Variants in TLCD5 observed in about 807,000 individuals in gnomAD.
TLCD5 encodes the protein TLC domain containing 5.
Under a neutral mutation model 20.5 loss-of-function variants are expected in TLCD5, and 15 were observed. The observed-to-expected ratio is 0.73, with a 90% CI of 0.49 to 1.13. The LOEUF is 1.13. Ranked by LOEUF, TLCD5 falls within the 50% of genes most tolerant of loss-of-function variation. The pLI is 0.00. For missense variants in TLCD5, 289 were observed against 305.6 expected (o/e 0.95, Z 0.41); for synonymous variants, 107 against 114.7 (o/e 0.93, Z 0.43).
At position 120,330,501 on chromosome 11, in the gene TLCD5, C is replaced by CT. The variant is rs774724662; in HGVS notation, c.725dup (p.Lys243GlnfsTer62). On this transcript the variant is annotated frameshift_variant, in exon 3 of 3. Coordinates refer to ENST00000375095, the MANE Select transcript of TLCD5 (RefSeq NM_001198671.2). LOFTEE classifies it high-confidence loss of function. Reference sequence around the variant, plus strand: ...ACGGCAGCTGAAACACAACGGACATCTCAAAATACACTAGCCAAGGCTTGC... The same window carrying CT: ...ACGGCAGCTGAAACACAACGGACATCTTCAAAATACACTAGCCAAGGCTTGC... 1.2e-6 allele frequency: 2 copies of CT among 1,611,776 alleles called. No individual in the cohort carries two copies. Among genetic ancestry groups the CT allele is most frequent in the South Asian group, 2.2e-5 (2 of 90,698 alleles).
At position 120,330,030 on chromosome 11, in the gene TLCD5, T is replaced by G. The variant is rs777881594; in HGVS notation, c.253T>G (p.Phe85Val). 6.2e-7 allele frequency: 1 copy of G among 1,614,200 alleles called. No homozygotes were observed. Among genetic ancestry groups the G allele is most frequent in the Non-Finnish European group, 8.5e-7 (1 of 1,180,036 alleles). ...VHVLCLTLGY[F>V]IFDLGWCVYF... ...TGTCCTGTGTCTCACCTTGGGCTACTTCATCTTCGACTTGGGCTGGTGCGT... is the reference window on the plus strand; with the variant it reads ...TGTCCTGTGTCTCACCTTGGGCTACGTCATCTTCGACTTGGGCTGGTGCGT... The change falls in exon 3 of 3, where the codon TTC becomes GTC. Residue 85 changes from phenylalanine (F) to valine (V), a missense_variant. Phe to Val is a conservative substitution (Grantham distance 50, BLOSUM62 -1). Coordinates refer to ENST00000375095, the MANE Select transcript of TLCD5 (RefSeq NM_001198671.2).
At position 120,329,905 on chromosome 11, in the gene TLCD5, C is replaced by T. The variant is rs114427686; in HGVS notation, c.200-72C>T. The T allele has an allele frequency of 2.1e-3, 3,191 of 1,488,558 alleles. 55 individuals are homozygous for T. In the African/African-American group the frequency reaches 0.04, roughly 18 times the overall value. The allele number at this position is 1,488,558 out of a possible 1,614,324, so 92.2% of individuals were successfully genotyped here. ...GTGTCTAGTAAGGTTTGAAAGACAA[C>T]AACATAGGATCCCTGTGCAAGGTAA... On this transcript the variant is annotated intron_variant, in intron 2 of 2. Transcript: ENST00000375095.
chr11:120,329,013 G>A (rs569577383), intron 2 of TLCD5, among the ~76,000 whole-genome samples: 1 of 149,338 alleles, frequency 6.7e-6, no homozygotes, highest in Non-Finnish European at 1.5e-5. Flanking sequence ...TAGTGTGTGT[G>A]TGTGTGTATG....
At position 120,328,402 on chromosome 11, in the gene TLCD5, C is replaced by T. The variant is rs1490332378; in HGVS notation, c.199+762C>T. 2.6e-5 allele frequency among the ~76,000 whole-genome samples: 4 copies of T among 152,234 alleles called. No homozygotes were observed. In the East Asian group the frequency reaches 7.7e-4, roughly 29 times the overall value. ...GGCCAAGTATGCAAAAATTTTACCCCCTTGTATTAATTGGTTGGGGCTGCC... is the reference window on the plus strand; with the variant it reads ...GGCCAAGTATGCAAAAATTTTACCCTCTTGTATTAATTGGTTGGGGCTGCC... On this transcript the variant is annotated intron_variant, in intron 2 of 2. Coordinates refer to ENST00000375095, the MANE Select transcript of TLCD5 (RefSeq NM_001198671.2).
rs12806740 is a variant in TLCD5 at position 120,332,919 on chromosome 11, G to A, written c.*2404G>A. 0.44 allele frequency: 66,484 copies of A among 151,982 alleles called. 15,280 individuals carry two copies. The highest frequency in any genetic ancestry group is 0.57 in the African/African-American group (23,781 of 41,424). 9.4% of individuals were successfully genotyped at this position (151,982 alleles called of 1,614,324 possible). ...GAATGGTATAAAGTCATCACTGTTA[G>A]GGAAACAGTAACTTTAAATGCATGT... On this transcript the variant is annotated 3_prime_UTR_variant, in exon 3 of 3. Coordinates refer to ENST00000375095, the MANE Select transcript of TLCD5 (RefSeq NM_001198671.2). The surrounding 1 kb of genome is among the most constrained non-coding windows in gnomAD (Gnocchi z 4.2).
Position 120,330,630 on chromosome 11 carries a change from ATG to A in TLCD5, c.*117_*118del. On this transcript the variant is annotated 3_prime_UTR_variant, in exon 3 of 3. Transcript: ENST00000375095. ...AACTTAGGTTTCAATAAAGGGCTAA[ATG>A]TATTGATCAATTTGGTCAGTCTTCA... The A allele has an allele frequency of 8.2e-7, 1 of 1,225,166 alleles. No homozygotes were observed. Among genetic ancestry groups the A allele is most frequent in the Non-Finnish European group, 1.1e-6 (1 of 902,342 alleles). 75.9% of individuals were successfully genotyped at this position (1,225,166 alleles called of 1,614,324 possible).
At chr11:120,329,944 C>T in intron 2 of TLCD5, 33 bp from the exon 3 acceptor site, 1 of 1,583,272 alleles carries the variant, frequency 6.3e-7, no homozygotes, top group South Asian at 1.2e-5. Context: ...AATTCCCAGT[C>T]ACTCAATTTG....
rs71301641 is a variant in TLCD5, at chr11:120,329,004, AGT to A, written c.200-958_200-957del. ...AATCCCTTCTAAGGATAACAGTCAT[AGT>A]GTGTGTGTGTGTGTATGTGTTTGTA... On this transcript the variant is annotated intron_variant, in intron 2 of 2. Transcript: ENST00000375095. 2.5e-3 allele frequency among the ~76,000 whole-genome samples: 19 copies of A among 7,512 alleles called. 2 individuals are homozygous for A. Among genetic ancestry groups the A allele is most frequent in the South Asian group, 4.3e-3 (1 of 234 alleles). The allele number at this position is 7,512 out of a possible 152,430, so 4.9% of individuals were successfully genotyped here.
In TLCD5 at chr11:120,333,385, T is replaced by A. The variant is rs1942196990; in HGVS notation, c.*2870T>A. ...TTTTTTGAATGGTGAGAAATCTGAA[T>A]AATTGGTAAGGGGAAGGGAATCCCT... On this transcript the variant is annotated 3_prime_UTR_variant, in exon 3 of 3. Coordinates refer to ENST00000375095, the MANE Select transcript of TLCD5 (RefSeq NM_001198671.2). This position sits in a 1 kb window ranked among gnomAD's most constrained non-coding sequence, Gnocchi z 4.5. The A allele has an allele frequency of 6.6e-6, 1 of 152,154 alleles. No individual in the cohort carries two copies. The highest frequency in any genetic ancestry group is 1.5e-5 in the Non-Finnish European group (1 of 68,034). The allele number at this position is 152,154 out of a possible 1,614,324, so 9.4% of individuals were successfully genotyped here. A position where few individuals can be genotyped will look rare whatever the true frequency, so the allele number is the denominator to read the frequency against.
In TLCD5 at chr11:120,330,531, G is replaced by C. The variant is rs1280587982; in HGVS notation, c.*16G>C. ...AATACACTAGCCAAGGCTTGCTCCA[G>C]ATTATGGATTGGGTTAAGTCAGCCA... On this transcript the variant is annotated 3_prime_UTR_variant, in exon 3 of 3. Coordinates refer to ENST00000375095, the MANE Select transcript of TLCD5 (RefSeq NM_001198671.2). The C allele has an allele frequency of 6.3e-7, 1 of 1,594,566 alleles. No individual in the cohort carries two copies. The highest frequency in any genetic ancestry group is 8.6e-7 in the Non-Finnish European group (1 of 1,169,340).
At chr11:120,329,274 G>A (rs1942096033) in intron 2 of TLCD5, among the ~76,000 whole-genome samples, 1 of 152,156 alleles carries the variant, frequency 6.6e-6, no homozygotes, top group African/African-American at 2.4e-5. Flanking sequence ...AATTTGGGGA[G>A]GGAGGACACA....
intron 2 of TLCD5, among the ~76,000 whole-genome samples, chr11:120,328,869 A>ATGTT (rs1942074812): frequency 1.8e-5 from 1 of 54,720 alleles, no homozygotes; most frequent in African/African-American, 8.5e-5. Context: ...GTGTGTATGT[A>ATGTT]TATGTATGCA....
At chr11:120,327,737 T>A (rs1942035312) in intron 2 of TLCD5, 97 bp downstream of exon 2, 1 of 1,216,584 alleles carries the variant, frequency 8.2e-7, no homozygotes, top group East Asian at 2.5e-5. Context: ...GAAGACTAAT[T>A]CCCATTATAA....
Position 120,333,122 on chromosome 11 carries a change from A to G in TLCD5, c.*2607A>G, listed in dbSNP as rs1321576623. The G allele has an allele frequency of 6.6e-6, 1 of 151,892 alleles. No homozygotes were observed. Among genetic ancestry groups the G allele is most frequent in the African/African-American group, 2.4e-5 (1 of 41,296 alleles). The allele number at this position is 151,892 out of a possible 1,614,324, so 9.4% of individuals were successfully genotyped here. A position where few individuals can be genotyped will look rare whatever the true frequency, so the allele number is the denominator to read the frequency against. ...TTTCCAACAAAATTGCGGTCAAAGTAGGATGCTGGGGAATGCTGATTTTAG... is the reference window on the plus strand; with the variant it reads ...TTTCCAACAAAATTGCGGTCAAAGTGGGATGCTGGGGAATGCTGATTTTAG... On this transcript the variant is annotated 3_prime_UTR_variant, in exon 3 of 3. Transcript: ENST00000375095. This position sits in a 1 kb window ranked among gnomAD's most constrained non-coding sequence, Gnocchi z 4.5.
chr11:120,327,360 A>G, intron 1 of TLCD5, 81 bp from the exon 2 acceptor site: 2 of 1,605,356 alleles, frequency 1.2e-6, no homozygotes, highest in Non-Finnish European at 1.7e-6. Context: ...AATAGAAATG[A>G]GGATATATAC....
At chr11:120,328,587 G>T (rs1942053212) in intron 2 of TLCD5, among the ~76,000 whole-genome samples, 1 of 50,006 alleles carries the variant, frequency 2.0e-5, no homozygotes, top group Admixed American at 2.5e-4. Context: ...TCCTTCCATG[G>T]TCTCCCCTCT....
Position 120,330,096 on chromosome 11 carries a change from A to T in TLCD5, c.319A>T (p.Thr107Ser). The T allele has an allele frequency of 6.2e-7, 1 of 1,614,128 alleles. No homozygotes were observed. Among genetic ancestry groups the T allele is most frequent in the African/African-American group, 1.3e-5 (1 of 75,034 alleles). Residue 107 changes from threonine (T) to serine (S), a missense_variant, in exon 3 of 3, where the codon ACA (threonine) becomes TCA (serine). Transcript: ENST00000375095. ...GGGTGCCTTGATGCTGGCTCATCAC[A>T]CATTGAGTATCTTGGGCATTATCAT... is the stretch of plus-strand genomic sequence containing the variant. Reference protein sequence around the residue: ...SEGALMLAHHTLSILGIIMAL... With the variant: ...SEGALMLAHHSLSILGIIMAL...
intron 2 of TLCD5, 112 bp downstream of exon 2, chr11:120,327,752 G>A: frequency 2.7e-6 from 3 of 1,102,074 alleles, no homozygotes; most frequent in South Asian, 1.8e-5. Context: ...TTATAATTTT[G>A]TATTGGAATC....
At chr11:120,327,210 C>G in intron 1 of TLCD5, 1 of 689,732 alleles carries the variant, frequency 1.4e-6, no homozygotes, top group South Asian at 2.0e-5. Flanking sequence ...TTCCTGGTTT[C>G]CAGTTTACAA....
Sources: allele counts gnomAD v4.1 joint callset (sites outside exome capture counted in the v4.1 genomes callset), GRCh38; gene constraint gnomAD v4.1.1; non-coding constraint Gnocchi (gnomAD v3.1); transcripts MANE v1.5; gene names NCBI Gene and HGNC (gene_info 2026-07-23, HGNC 2026-07-21).